CAPN15: variants seen among roughly 807,000 people sequenced by gnomAD.
CAPN15 encodes the protein calpain-15.
In CAPN15, 53 loss-of-function variants were observed where a neutral mutation model predicts 97.9. The ratio of observed to expected loss-of-function variants is 0.54; its 90% confidence interval spans 0.43 to 0.68. The LOEUF is 0.68. CAPN15 is among the 30% of genes least tolerant of loss of function. The probability of loss-of-function intolerance (pLI) is 0.00; values close to 1 mark genes in which losing one functional copy is unlikely to be tolerated. For missense variants in CAPN15, 1,592 were observed against 1,589.8 expected (o/e 1.00, Z -0.02); for synonymous variants, 922 against 722.5 (o/e 1.28, Z -4.43).
chr16:532,382 C>T (rs963125604), intron 1 of CAPN15, among the ~76,000 whole-genome samples: 1 of 150,648 alleles, frequency 6.6e-6, no homozygotes, highest in Non-Finnish European at 1.5e-5. Context: ...GACGAAACCC[C>T]CATCTCTACT....
At chr16:551,023 G>GT (rs1413239150) in intron 7 of CAPN15, among the ~76,000 whole-genome samples, 14 of 125,624 alleles carry the variant, frequency 1.1e-4, no homozygotes, top group Admixed American at 4.0e-4. Context: ...GTCGGTGAGG[G>GT]CCCCGGTCGG....
In CAPN15 at chr16:547,303, C is replaced by T; in HGVS notation, c.465C>T (p.His155=). 1 of 1,524,078 alleles carries T rather than the reference C, an allele frequency of 6.6e-7. No individual in the cohort carries two copies. Among genetic ancestry groups the T allele is most frequent in the Non-Finnish European group, 8.8e-7 (1 of 1,140,714 alleles). 94.4% of individuals were successfully genotyped at this position (1,524,078 alleles called of 1,614,324 possible). ...GGGCGTGTCCGCGTTGCACGCTGCA[C>T]AACACGCCCGTGGCCAGCTCCTGCT... ...GGWACPRCTL[H]NTPVASSCSV... The change falls in exon 4 of 14, where the codon CAC becomes CAT. Residue 155 remains histidine (H), a synonymous_variant. Transcript: ENST00000219611.
intron 1 of CAPN15, among the ~76,000 whole-genome samples, chr16:529,006 G>A (rs1314989387): frequency 6.6e-6 from 1 of 152,198 alleles, no homozygotes; most frequent in Non-Finnish European, 1.5e-5. Context: ...TCTCAACTGT[G>A]AAGTGGGGCA....
intron 3 of CAPN15, chr16:543,171 A>T (rs1374133212): frequency 6.5e-6 from 1 of 153,818 alleles, no homozygotes; most frequent in African/African-American, 2.4e-5. Flanking sequence ...AAAAACTTAA[A>T]CAGAAAAATG....
intron 3 of CAPN15, chr16:539,957 T>C (rs1884461366): frequency 3.9e-6 from 2 of 512,662 alleles, no homozygotes; most frequent in Admixed American, 6.4e-5. Context: ...GGCCCTGCAC[T>C]GAGATGTCCC....
rs2035198878 is a variant in CAPN15, at chr16:552,844, C to T, written c.2905-19C>T. ...CCCCAGCACCTCCCCTGCCCCACAA[C>T]TGCCATTCCTGTGCCCAGGGCCGTG... On this transcript the variant is annotated intron_variant, in intron 12 of 13. Transcript: ENST00000219611. This position sits in a 1 kb window ranked among gnomAD's most constrained non-coding sequence, Gnocchi z 6.4. 2 of 1,579,254 alleles carry T rather than the reference C, an allele frequency of 1.3e-6. No individual in the cohort carries two copies. The highest frequency in any genetic ancestry group is 8.6e-7 in the Non-Finnish European group (1 of 1,158,408).
chr16:549,175 C>T lies in CAPN15; in HGVS notation c.1632C>T (p.Ile544=), dbSNP rs780763466. The change falls in exon 5 of 14, where the codon ATC becomes ATT. Residue 544 remains isoleucine (I), a synonymous_variant. Coordinates refer to ENST00000219611, the MANE Select transcript of CAPN15 (RefSeq NM_005632.3). ...SVFHTLRPSD[I]LQGLLGNCWF... ...TCCACACACTGCGGCCCTCAGACAT[C>T]CTGCAGGGGCTGCTGGGGAACTGCT... 5.9e-6 allele frequency: 8 copies of T among 1,364,160 alleles called. No individual in the cohort carries two copies. In the African/African-American group the frequency reaches 7.9e-5, roughly 14 times the overall value. The allele number at this position is 1,364,160 out of a possible 1,614,324, so 84.5% of individuals were successfully genotyped here. A position where few individuals can be genotyped will look rare whatever the true frequency, so the allele number is the denominator to read the frequency against.
intron 1 of CAPN15, among the ~76,000 whole-genome samples, chr16:531,681 C>T (rs1723589348): frequency 6.8e-6 from 1 of 146,424 alleles, no homozygotes; most frequent in Non-Finnish European, 1.5e-5. Context: ...TCTGGGGTGA[C>T]AGGTGCCCCC....
In CAPN15 at chr16:534,008, T is replaced by C. The variant is rs2033465312; in HGVS notation, c.-137+10T>C. On this transcript the variant is annotated intron_variant, in intron 2 of 13. Coordinates refer to ENST00000219611, the MANE Select transcript of CAPN15 (RefSeq NM_005632.3). ...CTTGCTGCAGCTTCAGGTGAGTTTG[T>C]TCCCAAGCCCTGCGGCTCGTTTATG... 4.1e-6 allele frequency: 4 copies of C among 985,042 alleles called. No homozygotes were observed. Among genetic ancestry groups the C allele is most frequent in the Non-Finnish European group, 4.8e-6 (4 of 829,540 alleles). 61.0% of individuals were successfully genotyped at this position (985,042 alleles called of 1,614,324 possible). A position where few individuals can be genotyped will look rare whatever the true frequency, so the allele number is the denominator to read the frequency against.
chr16:529,264 C>G (rs1470809305), intron 1 of CAPN15, among the ~76,000 whole-genome samples: 3 of 152,176 alleles, frequency 2.0e-5, no homozygotes, highest in Non-Finnish European at 4.4e-5. Context: ...CGCAGGGCCT[C>G]TTGTCTGGGC....
At chr16:540,711 C>A (rs928855894) in intron 3 of CAPN15, among the ~76,000 whole-genome samples, 1 of 152,214 alleles carries the variant, frequency 6.6e-6, no homozygotes, top group African/African-American at 2.4e-5. Flanking sequence ...CTGCTGCCCA[C>A]GGTTTCAAAG....
At chr16:528,495 G>T (rs543282941) in intron 1 of CAPN15, among the ~76,000 whole-genome samples, 2 of 152,322 alleles carry the variant, frequency 1.3e-5, no homozygotes, top group African/African-American at 4.8e-5. Context: ...GGCGTGGAGG[G>T]GCTGGCGGGA....
At chr16:534,940 G>A (rs889033298) in intron 2 of CAPN15, among the ~76,000 whole-genome samples, 29 of 152,152 alleles carry the variant, frequency 1.9e-4, no homozygotes, top group Admixed American at 2.6e-4. Context: ...AGTGGGACAC[G>A]CCTGTGTCAC....
At position 541,196 on chromosome 16, in the gene CAPN15, A is replaced by G. The variant is rs61022950; in HGVS notation, c.-23+5054A>G. ...GGAGCTGCAGGCAGTGGGCAAGGCC[A>G]TGGCAGGTGGCCAGGCCTGGGAACC... On this transcript the variant is annotated intron_variant, in intron 3 of 13. Transcript: ENST00000219611. Among the ~76,000 whole-genome samples the G allele has an allele frequency of 2.5e-3, 388 of 152,356 alleles. 15 individuals carry two copies. In the East Asian group the frequency reaches 0.063, roughly 25 times the overall value.
chr16:527,952 G>GCGGGGGCGAGCGGGCCCGGGGGC lies in CAPN15; in HGVS notation c.-261_-239dup, dbSNP rs2032965463. On this transcript the variant is annotated 5_prime_UTR_variant, in exon 1 of 14. Transcript: ENST00000219611. ...GGAGGCAGAAGTTGTGGATCGGCCG[G>GCGGGGGCGAGCGGGCCCGGGGGC]CGGGGGCGAGCGGGCCCGGGGGCCG... 2 of 145,856 alleles carry GCGGGGGCGAGCGGGCCCGGGGGC rather than the reference G, an allele frequency of 1.4e-5. No individual in the cohort carries two copies. The highest frequency in any genetic ancestry group is 6.8e-5 in the Admixed American group (1 of 14,726). 9.0% of individuals were successfully genotyped at this position (145,856 alleles called of 1,614,324 possible). A position where few individuals can be genotyped will look rare whatever the true frequency, so the allele number is the denominator to read the frequency against.
chr16:546,816 GC>G lies in CAPN15; in HGVS notation c.-21del. 1.3e-6 allele frequency: 2 copies of G among 1,579,316 alleles called. No individual in the cohort carries two copies. The highest frequency in any genetic ancestry group is 1.7e-6 in the Non-Finnish European group (2 of 1,160,096). On this transcript the variant is annotated splice_region_variant and 5_prime_UTR_variant, in exon 4 of 14. Transcript: ENST00000219611. ...GCCCTGATGAGCACCTTCCCTTGCAGCCACACCCACTCGCCCGGGTCTATGG... is the reference window on the plus strand; with the variant it reads ...GCCCTGATGAGCACCTTCCCTTGCAGCACACCCACTCGCCCGGGTCTATGG...
At chr16:531,801 CT>C (rs1368240091) in intron 1 of CAPN15, among the ~76,000 whole-genome samples, 2 of 150,888 alleles carry the variant, frequency 1.3e-5, no homozygotes, top group Admixed American at 6.6e-5. Context: ...CAGGTGCCCC[CT>C]GTGTCCCAGA....
At position 552,126 on chromosome 16, in the gene CAPN15, C is replaced by G; in HGVS notation, c.2421C>G (p.Ser807Arg). 1 of 1,548,342 alleles carries G rather than the reference C, an allele frequency of 6.5e-7. No individual in the cohort carries two copies. Among genetic ancestry groups the G allele is most frequent in the South Asian group, 1.2e-5 (1 of 83,954 alleles). Residue 807 changes from serine to arginine, a missense_variant, in exon 10 of 14, where the codon AGC becomes AGG. By Grantham distance (110) the Ser-to-Arg change is moderately radical. Coordinates refer to ENST00000219611, the MANE Select transcript of CAPN15 (RefSeq NM_005632.3). The surrounding 1 kb of genome is among the most constrained non-coding windows in gnomAD (Gnocchi z 6.4). ...CGCGGGTGCAGGGCTGCTTTCCCAG[C>G]TCGGCCAGCGCGCCCGTGGGGGTAA... ...QEARVQGCFP[S>R]SASAPVGVTA...
Position 552,821 on chromosome 16 carries a change from C to T in CAPN15, c.2905-42C>T. 1 of 1,552,538 alleles carries T rather than the reference C, an allele frequency of 6.4e-7. No homozygotes were observed. The highest frequency in any genetic ancestry group is 8.7e-7 in the Non-Finnish European group (1 of 1,146,246). ...TGGCGTGGGGCAGGGGGAGTATGCC[C>T]CAGCACCTCCCCTGCCCCACAACTG... On this transcript the variant is annotated intron_variant, in intron 12 of 13. Coordinates refer to ENST00000219611, the MANE Select transcript of CAPN15 (RefSeq NM_005632.3). This position sits in a 1 kb window ranked among gnomAD's most constrained non-coding sequence, Gnocchi z 6.4.
Sources: allele counts gnomAD v4.1 joint callset (sites outside exome capture counted in the v4.1 genomes callset), GRCh38; gene constraint gnomAD v4.1.1; non-coding constraint Gnocchi (gnomAD v3.1); transcripts MANE v1.5; gene names NCBI Gene and HGNC (gene_info 2026-07-23, HGNC 2026-07-21).